The following ZNF782 variants were observed in gnomAD, a reference collection of about 807,000 sequenced individuals.
ZNF782 encodes the protein zinc finger protein 782.
Under a neutral mutation model 13.0 loss-of-function variants are expected in ZNF782, and 12 were observed. That is an observed-to-expected ratio of 0.92 (90% confidence interval 0.59 to 1.50). The LOEUF is 1.50. Among genes scored for constraint, ZNF782 ranks in the 40% most tolerant of loss-of-function variants. ZNF782 has a pLI of 0.00. For synonymous variants in ZNF782, 284 were observed against 283.0 expected (o/e 1.00, Z -0.04); for missense variants, 770 against 822.9 (o/e 0.94, Z 0.79).
rs777912192 is a variant in ZNF782 at position 96,818,487 on chromosome 9, C to T, written c.1536G>A (p.Gly512=). 10 of 1,613,768 alleles carry T rather than the reference C, an allele frequency of 6.2e-6. No individual in the cohort carries two copies. Among genetic ancestry groups the T allele is most frequent in the Non-Finnish European group, 7.6e-6 (9 of 1,179,962 alleles). ...GGCCTGACTTCAGTTTGAAAGCTTTCCCACATTCATCACATTTATATGGTC... is the reference window on the plus strand; with the variant it reads ...GGCCTGACTTCAGTTTGAAAGCTTTTCCACATTCATCACATTTATATGGTC... ...GERPYKCDEC[G]KAFKLKSGLR... is the part of the protein sequence containing the mutation. The change falls in exon 6 of 6, where the codon GGG becomes GGA. Residue 512 remains glycine (G), a synonymous_variant. Coordinates refer to ENST00000481138, the MANE Select transcript of ZNF782 (RefSeq NM_001001662.3).
the ZNF782 span, among the ~76,000 whole-genome samples, chr9:96,911,862 T>C: frequency 6.6e-6 from 1 of 152,092 alleles, no homozygotes; most frequent in African/African-American, 2.4e-5. Context: ...AACTTTTTTG[T>C]GTATGTACTT....
At chr9:96,931,564 G>A in the ZNF782 span, among the ~76,000 whole-genome samples, 7 of 151,706 alleles carry the variant, frequency 4.6e-5, no homozygotes, top group African/African-American at 9.7e-5. Flanking sequence ...CGACTCTGCC[G>A]TGGAGGAACA....
intron 5 of ZNF782, among the ~76,000 whole-genome samples, chr9:96,826,179 G>C (rs1453107470): frequency 1.3e-5 from 2 of 152,180 alleles, no homozygotes; most frequent in Admixed American, 6.5e-5. Context: ...ACTGGATTAA[G>C]AAAATGTGGC....
At chr9:96,906,080 G>T in the ZNF782 span, among the ~76,000 whole-genome samples, 2 of 152,242 alleles carry the variant, frequency 1.3e-5, no homozygotes, top group African/African-American at 4.8e-5. Context: ...TAGCCACTAA[G>T]GTAAACAGTA....
In ZNF782 at chr9:96,835,599, G is replaced by A. The variant is rs143776757; in HGVS notation, c.143-8418C>T. ...AGCTGCTTCAGCTGAAACAGCCATGGGGTCAAGTGGCTCCAGTAAGGCTTG... is the reference window on the plus strand; with the variant it reads ...AGCTGCTTCAGCTGAAACAGCCATGAGGTCAAGTGGCTCCAGTAAGGCTTG... On this transcript the variant is annotated intron_variant, in intron 4 of 5. Transcript: ENST00000481138. Among the ~76,000 whole-genome samples the A allele has an allele frequency of 5.0e-3, 764 of 152,290 alleles. 1 individual carries two copies. The highest frequency in any genetic ancestry group is 7.2e-3 in the Non-Finnish European group (492 of 68,014).
Position 96,854,454 on chromosome 9 carries a change from C to A in ZNF782, c.-628G>T. 1 of 152,286 alleles carries A rather than the reference C, an allele frequency of 6.6e-6. No homozygotes were observed. The highest frequency in any genetic ancestry group is 1.5e-5 in the Non-Finnish European group (1 of 68,050). 9.4% of individuals were successfully genotyped at this position (152,286 alleles called of 1,614,324 possible). A position where few individuals can be genotyped will look rare whatever the true frequency, so the allele number is the denominator to read the frequency against. The stretch of plus-strand genomic sequence containing the variant: ...GCCCCCTCTACTTTCCGAGCCGACC[C>A]CCGAGCTTCCCAAACCGCTTCCCGG... On this transcript the variant is annotated 5_prime_UTR_variant, in exon 1 of 6. Transcript: ENST00000481138.
chr9:96,927,300 G>C, the ZNF782 span, among the ~76,000 whole-genome samples: 1 of 152,044 alleles, frequency 6.6e-6, no homozygotes, highest in South Asian at 2.1e-4. Flanking sequence ...CGTGGGTTGT[G>C]GATTTCTAAC....
At chr9:96,886,405 A>G in the ZNF782 span, among the ~76,000 whole-genome samples, 1 of 152,206 alleles carries the variant, frequency 6.6e-6, no homozygotes, top group African/African-American at 2.4e-5. Flanking sequence ...TGAGTGTTAA[A>G]GCAAAAACTC....
At chr9:96,905,176 C>G in the ZNF782 span, among the ~76,000 whole-genome samples, 1 of 133,422 alleles carries the variant, frequency 7.5e-6, no homozygotes, top group Admixed American at 6.7e-5. Context: ...GGATGAGATA[C>G]AAGGTCAGCA....
intron 1 of ZNF782, among the ~76,000 whole-genome samples, chr9:96,867,000 A>G (rs144232941): frequency 5.9e-5 from 9 of 152,360 alleles, no homozygotes; most frequent in Middle Eastern, 3.4e-3. Flanking sequence ...TTACAGGCTG[A>G]TAGGCAGAAG....
the ZNF782 span, among the ~76,000 whole-genome samples, chr9:96,917,965 C>G: frequency 6.8e-6 from 1 of 147,076 alleles, no homozygotes. Flanking sequence ...TGGTCTTGAA[C>G]TCCTGGGCTG....
chr9:96,853,502 T>C (rs1451725721), intron 1 of ZNF782, among the ~76,000 whole-genome samples: 1 of 152,160 alleles, frequency 6.6e-6, no homozygotes, highest in African/African-American at 2.4e-5. Context: ...TGAGAAACCA[T>C]GTTAGTGGCA....
At chr9:96,886,864 A>G in the ZNF782 span, among the ~76,000 whole-genome samples, 93 of 148,844 alleles carry the variant, frequency 6.2e-4, no homozygotes, top group African/African-American at 2.1e-3. Flanking sequence ...TGGAGGTTGC[A>G]GTGAGCCAGG....
the ZNF782 span, among the ~76,000 whole-genome samples, chr9:96,924,792 C>T: frequency 2.0e-5 from 3 of 152,246 alleles, no homozygotes; most frequent in Admixed American, 1.3e-4. Context: ...GTGAGCAGCA[C>T]GGCCGAGACA....
chr9:96,856,000 T>C (rs923026325), upstream of ZNF782, among the ~76,000 whole-genome samples: 9 of 152,348 alleles, frequency 5.9e-5, no homozygotes, highest in African/African-American at 2.2e-4. Flanking sequence ...ATTAGTGATG[T>C]TGAGCATTTT....
chr9:96,823,849 T>C (rs1259927074), intron 5 of ZNF782, among the ~76,000 whole-genome samples: 1 of 152,168 alleles, frequency 6.6e-6, no homozygotes, highest in Admixed American at 6.5e-5. Context: ...TCTGCATAGC[T>C]TTTGTGTAGA....
chr9:96,838,717 C>CTTTT (rs139436021), intron 4 of ZNF782, among the ~76,000 whole-genome samples: 1 of 136,192 alleles, frequency 7.3e-6, no homozygotes, highest in African/African-American at 2.7e-5. Context: ...TTTTTCTTTT[C>CTTTT]TTTTTTTTTT....
the ZNF782 span, chr9:96,890,606 C>G: frequency 6.6e-6 from 1 of 152,340 alleles, no homozygotes; most frequent in Middle Eastern, 3.4e-3. Context: ...TTGGGAGATC[C>G]AGTCAAGGAC....
At chr9:96,886,126 G>A in the ZNF782 span, among the ~76,000 whole-genome samples, 1 of 151,494 alleles carries the variant, frequency 6.6e-6, no homozygotes, top group African/African-American at 2.4e-5. Flanking sequence ...GGGATTATAG[G>A]CATCAGCTAT....
Sources: allele counts gnomAD v4.1 joint callset (sites outside exome capture counted in the v4.1 genomes callset), GRCh38; gene constraint gnomAD v4.1.1; transcripts MANE v1.5; gene names NCBI Gene and HGNC (gene_info 2026-07-23, HGNC 2026-07-21).